The following DAW1 variants were observed in gnomAD, a reference collection of about 807,000 sequenced individuals.
DAW1 encodes the protein dynein assembly factor with WD repeat domains 1.
DAW1 carries 47 observed loss-of-function variants against 56.5 expected under a neutral mutation model. The observed-to-expected ratio is 0.83, with a 90% CI of 0.66 to 1.06. DAW1 has a LOEUF of 1.06. DAW1 is among the 50% of genes least tolerant of loss of function. The pLI is 0.00. For missense variants in DAW1, 505 were observed against 499.3 expected, an observed-to-expected ratio of 1.01 and a Z score of -0.11; for synonymous variants, 190 against 179.0, an observed-to-expected ratio of 1.06 and a Z score of -0.49.
intron 5 of DAW1, 99 bp downstream of exon 5, chr2:227,894,016 G>C: frequency 7.6e-7 from 1 of 1,314,976 alleles, no homozygotes; most frequent in Non-Finnish European, 1.0e-6. Flanking sequence ...TAAATTTATT[G>C]AGTGCTTGGT....
chr2:227,913,881 A>ATCTATCTATCTATCTATCTG (rs79833260), intron 10 of DAW1, among the ~76,000 whole-genome samples: 9 of 120,390 alleles, frequency 7.5e-5, no homozygotes, highest in African/African-American at 2.5e-4. Context: ...ATATCTATCT[A>ATCTATCTATCTATCTATCTG]TCTGTCTGTC....
chr2:227,887,995 A>G (rs1474167204), intron 2 of DAW1, among the ~76,000 whole-genome samples: 2 of 152,224 alleles, frequency 1.3e-5, no homozygotes, highest in Non-Finnish European at 2.9e-5. Context: ...AACGTTTCAA[A>G]GGGGCATTTT....
intron 1 of DAW1, chr2:227,876,554 G>A (rs1427683505): frequency 2.9e-5 from 36 of 1,255,208 alleles, no homozygotes; most frequent in East Asian, 2.3e-4. Flanking sequence ...AATCATTCCC[G>A]TGCTACCTTT....
chr2:227,915,301 G>A lies in DAW1; in HGVS notation c.974-3479G>A, dbSNP rs550110314. Among the ~76,000 whole-genome samples, 3 of 151,934 alleles carry A rather than the reference G, an allele frequency of 2.0e-5. No homozygotes were observed. The East Asian group carries it at 5.8e-4, about 29-fold the overall frequency. ...TATTCTCAAATGACAATCTATTATG[G>A]GTCATCTTTTTGATGGTAATGTATG... On this transcript the variant is annotated intron_variant, in intron 10 of 12. Transcript: ENST00000309931.
At chr2:227,880,130 T>A (rs1349030400) in intron 1 of DAW1, among the ~76,000 whole-genome samples, 1 of 152,224 alleles carries the variant, frequency 6.6e-6, no homozygotes, top group Non-Finnish European at 1.5e-5. Context: ...GCACATTTCT[T>A]GTTAATTCTA....
At chr2:227,902,949 T>C (rs1281813488) in intron 6 of DAW1, 53 bp from the exon 7 acceptor site, 22 of 1,553,236 alleles carry the variant, frequency 1.4e-5, no homozygotes, top group Non-Finnish European at 1.9e-5. Context: ...TGTGTATAAT[T>C]AACACTTTGA....
At chr2:227,923,804 G>A (rs1261730098) in intron 12 of DAW1, 130 bp from the exon 13 acceptor site, 4 of 1,043,080 alleles carry the variant, frequency 3.8e-6, no homozygotes, top group Non-Finnish European at 5.8e-6. Flanking sequence ...TCTGCAGCTA[G>A]GCGCGGAGAA....
At chr2:227,890,039 T>C in intron 3 of DAW1, 39 bp downstream of exon 3, 1 of 1,466,980 alleles carries the variant, frequency 6.8e-7, no homozygotes, top group Non-Finnish European at 9.0e-7. Flanking sequence ...AGAATTTCAG[T>C]GAAATGATTG....
chr2:227,924,068 T>G lies in DAW1; in HGVS notation c.*100T>G. 2.1e-6 allele frequency: 3 copies of G among 1,412,730 alleles called. No homozygotes were observed. The highest frequency in any genetic ancestry group is 2.9e-6 in the Non-Finnish European group (3 of 1,017,884). 87.5% of individuals were successfully genotyped at this position (1,412,730 alleles called of 1,614,324 possible). A position where few individuals can be genotyped will look rare whatever the true frequency, so the allele number is the denominator to read the frequency against. ...TCTTAATATTTCTTATACTTTCTCT[T>G]TTTCTGCAAGTCAACTATTTCTACA... On this transcript the variant is annotated 3_prime_UTR_variant, in exon 13 of 13. Coordinates refer to ENST00000309931, the MANE Select transcript of DAW1 (RefSeq NM_178821.3).
intron 10 of DAW1, chr2:227,912,565 T>C: frequency 8.3e-7 from 1 of 1,212,088 alleles, no homozygotes; most frequent in Non-Finnish European, 1.1e-6. Context: ...GTCTGGACAT[T>C]GCTACACTTT....
rs550642718 is a variant in DAW1, at chr2:227,915,342, TG to T, written c.974-3437del. Among the ~76,000 whole-genome samples the T allele has an allele frequency of 5.0e-4, 76 of 152,224 alleles. No individual in the cohort carries two copies. The South Asian group carries it at 5.8e-3, about 12-fold the overall frequency. Reference sequence around the variant, plus strand: ...GTAATGTATGGTGTTACTCTATGTATGTGTCATCACTTGTGTGTCATCAACT... The same window carrying T: ...GTAATGTATGGTGTTACTCTATGTATTGTCATCACTTGTGTGTCATCAACT... On this transcript the variant is annotated intron_variant, in intron 10 of 12. Coordinates refer to ENST00000309931, the MANE Select transcript of DAW1 (RefSeq NM_178821.3).
At chr2:227,909,724 C>T (rs981348203) in intron 10 of DAW1, among the ~76,000 whole-genome samples, 2 of 152,014 alleles carry the variant, frequency 1.3e-5, no homozygotes, top group East Asian at 1.9e-4. Context: ...GCTCGATGAC[C>T]GAGGGCCAGA....
chr2:227,881,375 G>C (rs1024967476), intron 1 of DAW1, among the ~76,000 whole-genome samples: 6 of 152,326 alleles, frequency 3.9e-5, no homozygotes, highest in South Asian at 4.1e-4. Context: ...TCACAGGCCT[G>C]CTGTGCTTAA....
Position 227,898,177 on chromosome 2 carries a change from CT to C in DAW1, c.441-3del. On this transcript the variant is annotated splice_region_variant and splice_polypyrimidine_tract_variant and intron_variant, in intron 5 of 12. Coordinates refer to ENST00000309931, the MANE Select transcript of DAW1 (RefSeq NM_178821.3). ...TAAATAATCTACATTTCTTTTAAAT[CT>C]TAGTGACAAAATCGCCACTGGGTCC... 6.4e-7 allele frequency: 1 copy of C among 1,555,514 alleles called. No individual in the cohort carries two copies. The highest frequency in any genetic ancestry group is 8.7e-7 in the Non-Finnish European group (1 of 1,147,330).
At chr2:227,901,705 GT>G (rs1331546363) in intron 6 of DAW1, among the ~76,000 whole-genome samples, 2 of 152,348 alleles carry the variant, frequency 1.3e-5, no homozygotes, top group East Asian at 3.9e-4. Flanking sequence ...AGCTGGAGTG[GT>G]TTCAGAAGAG....
At chr2:227,901,567 T>G (rs1691546852) in intron 6 of DAW1, among the ~76,000 whole-genome samples, 1 of 151,782 alleles carries the variant, frequency 6.6e-6, no homozygotes, top group Admixed American at 6.6e-5. Context: ...AAGAGAGAAC[T>G]TCAAATGATA....
At chr2:227,890,837 C>A (rs1375907511) in intron 3 of DAW1, among the ~76,000 whole-genome samples, 1 of 152,214 alleles carries the variant, frequency 6.6e-6, no homozygotes, top group Non-Finnish European at 1.5e-5. Flanking sequence ...CCCAGCCAAT[C>A]ACTCTTAATA....
chr2:227,917,146 G>GTCTGT (rs1242384265), intron 10 of DAW1, among the ~76,000 whole-genome samples: 2 of 97,334 alleles, frequency 2.1e-5, no homozygotes, highest in Non-Finnish European at 4.3e-5. Flanking sequence ...CTATCTATCT[G>GTCTGT]TCTGTCTGTC....
intron 10 of DAW1, among the ~76,000 whole-genome samples, chr2:227,916,789 T>C (rs1378172973): frequency 6.6e-6 from 1 of 152,212 alleles, no homozygotes; most frequent in Non-Finnish European, 1.5e-5. Flanking sequence ...CATCAGGCTA[T>C]ACTATGTCTG....
Sources: gnomAD v4.1 joint callset for allele counts (sites outside exome capture counted in the v4.1 genomes callset) on GRCh38, gnomAD v4.1.1 for gene constraint, MANE v1.5 for transcripts, NCBI Gene and HGNC (gene_info 2026-07-23, HGNC 2026-07-21) for gene names.